The following TRMT11 variants were observed in gnomAD, a reference collection of about 807,000 sequenced individuals.
TRMT11 encodes tRNA (guanine(10)-N(2))-methyltransferase TRMT11.
Under a neutral mutation model 62.8 loss-of-function variants are expected in TRMT11, and 53 were observed. The observed-to-expected ratio is 0.84, with a 90% CI of 0.68 to 1.06. The LOEUF (loss-of-function observed/expected upper bound fraction) is 1.06. TRMT11 is among the 50% of genes least tolerant of loss of function. TRMT11 has a pLI of 0.00. For synonymous variants in TRMT11, 188 were observed against 190.3 expected, an observed-to-expected ratio of 0.99 and a Z score of 0.10; for missense variants, 556 against 553.4, an observed-to-expected ratio of 1.00 and a Z score of -0.05.
At chr6:126,208,811 G>T (rs1229351636), downstream of TRMT11, among the ~76,000 whole-genome samples, 1 of 152,188 alleles carries the variant, frequency 6.6e-6, no homozygotes. Context: ...GGTTCCAAAG[G>T]CAATGAACAT....
intron 21 of TRMT11, among the ~76,000 whole-genome samples, chr6:126,127,256 A>G (rs1777728861): frequency 1.3e-5 from 2 of 152,046 alleles, no homozygotes. Context: ...AGTTGAGAAG[A>G]TAGGGAAGAG....
intron 7 of TRMT11, among the ~76,000 whole-genome samples, chr6:126,003,181 C>T (rs769227674): frequency 3.9e-5 from 6 of 152,050 alleles, no homozygotes; most frequent in Non-Finnish European, 7.4e-5. Flanking sequence ...CTTATCCAAC[C>T]CGCAGCCCAT....
intron 1 of TRMT11, among the ~76,000 whole-genome samples, chr6:126,185,616 T>A (rs534875280): frequency 4.6e-5 from 7 of 152,194 alleles, no homozygotes; most frequent in Non-Finnish European, 8.8e-5. Flanking sequence ...GGTAAAAGCT[T>A]GCTGATAAAA....
At chr6:126,128,146 A>G (rs149654387) in intron 21 of TRMT11, among the ~76,000 whole-genome samples, 4 of 152,140 alleles carry the variant, frequency 2.6e-5, no homozygotes, top group African/African-American at 9.6e-5. Flanking sequence ...AACAAGTGCC[A>G]CTACACATTG....
At chr6:126,172,403 C>A (rs1276468910), upstream of TRMT11, among the ~76,000 whole-genome samples, 1 of 152,168 alleles carries the variant, frequency 6.6e-6, no homozygotes. Context: ...TGTGGCAGAA[C>A]CCCCATGCAG....
chr6:126,125,284 G>A (rs1051880761), intron 21 of TRMT11, among the ~76,000 whole-genome samples: 1 of 152,008 alleles, frequency 6.6e-6, no homozygotes, highest in Non-Finnish European at 1.5e-5. Flanking sequence ...AGAAATTTTA[G>A]GAGGAAGTGG....
intron 7 of TRMT11, among the ~76,000 whole-genome samples, chr6:126,001,312 A>G (rs1792440930): frequency 6.6e-6 from 1 of 152,046 alleles, no homozygotes; most frequent in African/African-American, 2.4e-5. Flanking sequence ...GAACACAGCC[A>G]AAGTCTTTTT....
intron 12 of TRMT11, among the ~76,000 whole-genome samples, chr6:126,035,434 A>G (rs1775006244): frequency 6.6e-6 from 1 of 152,120 alleles, no homozygotes; most frequent in African/African-American, 2.4e-5. Flanking sequence ...GTGTTTTGCA[A>G]TCAGGAGTCA....
intron 17 of TRMT11, among the ~76,000 whole-genome samples, chr6:126,105,427 C>A (rs552969592): frequency 1.3e-3 from 201 of 152,238 alleles, no homozygotes; most frequent in African/African-American, 4.3e-3. Flanking sequence ...ATTTTTCTGG[C>A]AGTCAGAAGG....
At chr6:126,082,056 A>C (rs191686531) in intron 17 of TRMT11, among the ~76,000 whole-genome samples, 179 of 152,308 alleles carry the variant, frequency 1.2e-3, no homozygotes, top group African/African-American at 4.1e-3. Flanking sequence ...TCCCATTATG[A>C]ATTCAGCGTT....
At chr6:125,998,832 G>GT in intron 6 of TRMT11, 148 bp downstream of exon 6, 2 of 720,786 alleles carry the variant, frequency 2.8e-6, no homozygotes, top group Middle Eastern at 3.7e-4. Flanking sequence ...ATGTGATTAT[G>GT]TTTTGTTTTG....
intron 16 of TRMT11, among the ~76,000 whole-genome samples, chr6:126,044,583 G>A (rs1315022263): frequency 3.3e-5 from 5 of 152,088 alleles, no homozygotes; most frequent in African/African-American, 1.2e-4. Flanking sequence ...CAGACTTCTT[G>A]TGTCCTATAC....
intron 21 of TRMT11, among the ~76,000 whole-genome samples, chr6:126,161,923 T>C (rs1778195492): frequency 6.6e-6 from 1 of 152,180 alleles, no homozygotes; most frequent in South Asian, 2.1e-4. Context: ...ACCCACTTTT[T>C]GATGGATATC....
At chr6:126,028,048 A>G (rs1284557483) in intron 12 of TRMT11, among the ~76,000 whole-genome samples, 1 of 152,060 alleles carries the variant, frequency 6.6e-6, no homozygotes, top group Non-Finnish European at 1.5e-5. Context: ...GCTGATGCCT[A>G]TTTCCATTAG....
chr6:126,237,846 T>G, the TRMT11 span, among the ~76,000 whole-genome samples: 1 of 152,188 alleles, frequency 6.6e-6, no homozygotes, highest in African/African-American at 2.4e-5. Flanking sequence ...GGTCCTGGAC[T>G]TTTTTTGGTT....
At chr6:126,098,389 G>C (rs1468762066) in intron 17 of TRMT11, among the ~76,000 whole-genome samples, 1 of 152,106 alleles carries the variant, frequency 6.6e-6, no homozygotes, top group Non-Finnish European at 1.5e-5. Context: ...TGTGAATCCT[G>C]TATGTTCCTT....
intron 1 of TRMT11, among the ~76,000 whole-genome samples, chr6:126,183,537 T>A (rs1010210372): frequency 6.6e-6 from 1 of 152,142 alleles, no homozygotes; most frequent in Non-Finnish European, 1.5e-5. Context: ...ATTAGCCTAC[T>A]TGGGCAGTTT....
At chr6:126,135,034 A>G (rs1777835122) in intron 21 of TRMT11, among the ~76,000 whole-genome samples, 1 of 151,764 alleles carries the variant, frequency 6.6e-6, no homozygotes, top group African/African-American at 2.4e-5. Flanking sequence ...CCTACATCCA[A>G]ATAATAAAAA....
chr6:126,136,990 CAAATT>C (rs1156604085), intron 21 of TRMT11, among the ~76,000 whole-genome samples: 1 of 150,370 alleles, frequency 6.7e-6, no homozygotes, highest in East Asian at 1.9e-4. Context: ...AAAATTAACT[CAAATT>C]GGATTAAAGA....
Sources: gnomAD v4.1 joint callset for allele counts (sites outside exome capture counted in the v4.1 genomes callset) on GRCh38, gnomAD v4.1.1 for gene constraint, MANE v1.5 for transcripts, NCBI Gene and HGNC (gene_info 2026-07-23, HGNC 2026-07-21) for gene names.